The following USP32 variants were observed in gnomAD, a reference collection of about 807,000 sequenced individuals.
The protein encoded by USP32 is ubiquitin carboxyl-terminal hydrolase 32.
In USP32, 59 loss-of-function variants were observed where a neutral mutation model predicts 204.8. The observed-to-expected ratio is 0.29, with a 90% CI of 0.23 to 0.36. USP32 has a LOEUF of 0.36. USP32 is among the 10% of genes least tolerant of loss of function. USP32 has a pLI of 1.00. For synonymous variants in USP32, 517 were observed against 678.4 expected, an observed-to-expected ratio of 0.76 and a Z score of 3.70; for missense variants, 1,160 against 1,946.4, an observed-to-expected ratio of 0.60 and a Z score of 7.60.
intron 2 of USP32, among the ~76,000 whole-genome samples, chr17:60,341,330 T>C (rs1022383814): frequency 2.0e-5 from 3 of 152,092 alleles, no homozygotes; most frequent in Non-Finnish European, 4.4e-5. Flanking sequence ...CTTTCCATGT[T>C]TAATGCTTCC....
chr17:60,269,240 G>A (rs1311596519), intron 7 of USP32, among the ~76,000 whole-genome samples: 1 of 150,132 alleles, frequency 6.7e-6, no homozygotes, highest in East Asian at 1.9e-4. Context: ...ATTGTTAATA[G>A]CAAATATCCC....
chr17:60,362,576 G>A (rs2089231185), intron 1 of USP32, among the ~76,000 whole-genome samples: 1 of 152,200 alleles, frequency 6.6e-6, no homozygotes, highest in East Asian at 1.9e-4. Flanking sequence ...AACGCTGCAG[G>A]AGAGTCTTAA....
In USP32 at chr17:60,214,605, T is replaced by C; in HGVS notation, c.2022+15A>G. 4 of 1,610,946 alleles carry C rather than the reference T, an allele frequency of 2.5e-6. No individual in the cohort carries two copies. Among genetic ancestry groups the C allele is most frequent in the Middle Eastern group, 3.3e-4 (2 of 6,038 alleles). On this transcript the variant is annotated intron_variant, in intron 17 of 33. Transcript: ENST00000300896. Reference sequence around the variant, plus strand: ...CCAACAATCAGACTCTCTATGACTCTGAGATGCCTCTTACCTCACTGTTGT... The same window carrying C: ...CCAACAATCAGACTCTCTATGACTCCGAGATGCCTCTTACCTCACTGTTGT...
intron 1 of USP32, among the ~76,000 whole-genome samples, chr17:60,361,988 A>G (rs2089216997): frequency 6.6e-6 from 1 of 152,180 alleles, no homozygotes; most frequent in Admixed American, 6.5e-5. Flanking sequence ...CCCTTCTACT[A>G]TGTCCATACA....
intron 15 of USP32, among the ~76,000 whole-genome samples, chr17:60,221,329 G>C (rs1253242198): frequency 2.0e-5 from 3 of 151,956 alleles, no homozygotes; most frequent in Non-Finnish European, 4.4e-5. Context: ...GGAGCTTGAG[G>C]TTATTTTTCA....
Position 60,252,702 on chromosome 17 carries a change from C to T in USP32, c.1075-260G>A, listed in dbSNP as rs189726553. On this transcript the variant is annotated intron_variant, in intron 10 of 33. Coordinates refer to ENST00000300896, the MANE Select transcript of USP32 (RefSeq NM_032582.4). ...GAAGAGAAAGGGAAGGAAGAAAAAGCGAAAGGGGAAGACATTACCTCAGGA... is the reference window on the plus strand; with the variant it reads ...GAAGAGAAAGGGAAGGAAGAAAAAGTGAAAGGGGAAGACATTACCTCAGGA... Among the ~76,000 whole-genome samples, 355 of 152,094 alleles carry T rather than the reference C, an allele frequency of 2.3e-3. 3 individuals are homozygous for T. The highest frequency in any genetic ancestry group is 8.0e-3 in the African/African-American group (334 of 41,492).
Position 60,349,597 on chromosome 17 carries a change from ATATAT to A in USP32, c.59-3994_59-3990del, listed in dbSNP as rs1409115002. ...TCAAAAGAAAAAAAAAAAAAAAAAA[ATATAT>A]ATATATATATATATATATATATTAT... On this transcript the variant is annotated intron_variant, in intron 1 of 33. Transcript: ENST00000300896. Among the ~76,000 whole-genome samples, 196 of 38,536 alleles carry A rather than the reference ATATAT, an allele frequency of 5.1e-3. 4 individuals are homozygous for A. The highest frequency in any genetic ancestry group is 0.012 in the Admixed American group (24 of 2,076). 25.3% of individuals were successfully genotyped at this position (38,536 alleles called of 152,430 possible).
intron 5 of USP32, among the ~76,000 whole-genome samples, chr17:60,285,802 T>C (rs1481920234): frequency 6.6e-6 from 1 of 151,970 alleles, no homozygotes; most frequent in Non-Finnish European, 1.5e-5. Context: ...ATTTAACACG[T>C]AGAAGAAAAA....
intron 2 of USP32, among the ~76,000 whole-genome samples, chr17:60,341,016 G>A (rs1191814009): frequency 6.6e-6 from 1 of 152,012 alleles, no homozygotes; most frequent in African/African-American, 2.4e-5. Flanking sequence ...CTTCTGGCTT[G>A]TAGGGCTTTT....
At chr17:60,216,934 A>G (rs1470020180) in intron 16 of USP32, among the ~76,000 whole-genome samples, 1 of 151,790 alleles carries the variant, frequency 6.6e-6, no homozygotes, top group Admixed American at 6.6e-5. Flanking sequence ...GCATATTTTT[A>G]TAAATTTTAA....
intron 5 of USP32, among the ~76,000 whole-genome samples, chr17:60,273,628 T>C (rs1008929227): frequency 9.2e-5 from 14 of 151,918 alleles, no homozygotes; most frequent in Non-Finnish European, 2.1e-4. Context: ...AACATGAAAG[T>C]AGTAGAAAAA....
chr17:60,263,116 G>A (rs980787686), intron 9 of USP32, among the ~76,000 whole-genome samples: 1 of 151,980 alleles, frequency 6.6e-6, no homozygotes. Context: ...GCCTGGCTAC[G>A]TTTTTTCTTT....
chr17:60,184,371 C>T (rs1049931167), intron 30 of USP32, among the ~76,000 whole-genome samples: 4 of 151,516 alleles, frequency 2.6e-5, no homozygotes, highest in African/African-American at 9.7e-5. Context: ...TCCAAGCCTG[C>T]CCCTTCCCTC....
At chr17:60,223,643 C>A in intron 13 of USP32, 57 bp from the exon 14 acceptor site, 2 of 1,482,606 alleles carry the variant, frequency 1.3e-6, no homozygotes, top group Non-Finnish European at 1.8e-6. Context: ...CATAAACAGG[C>A]TTGAGGATAT....
At chr17:60,325,371 T>A (rs1480553665) in intron 2 of USP32, among the ~76,000 whole-genome samples, 1 of 152,082 alleles carries the variant, frequency 6.6e-6, no homozygotes, top group Admixed American at 6.6e-5. Context: ...TGAGCCAAGG[T>A]TGTGCCACTG....
intron 1 of USP32, among the ~76,000 whole-genome samples, chr17:60,398,071 A>G (rs1486184261): frequency 1.3e-5 from 2 of 152,140 alleles, no homozygotes; most frequent in African/African-American, 4.8e-5. Flanking sequence ...TTTAGTTAAA[A>G]TTGTTTTGGC....
Position 60,326,908 on chromosome 17 carries a change from C to T in USP32, c.186+18573G>A, listed in dbSNP as rs181844213. Among the ~76,000 whole-genome samples the T allele has an allele frequency of 3.5e-3, 530 of 152,096 alleles. 5 individuals are homozygous for T. The highest frequency in any genetic ancestry group is 0.012 in the African/African-American group (498 of 41,472). The stretch of plus-strand genomic sequence containing the variant: ...GAAAGGTAAACAGTTCTCAGTCTTA[C>T]GTAGATGCTAAAAAAGTTGATCTCA... On this transcript the variant is annotated intron_variant, in intron 2 of 33. Coordinates refer to ENST00000300896, the MANE Select transcript of USP32 (RefSeq NM_032582.4).
At chr17:60,336,793 A>G (rs2088533250) in intron 2 of USP32, among the ~76,000 whole-genome samples, 1 of 152,158 alleles carries the variant, frequency 6.6e-6, no homozygotes, top group Non-Finnish European at 1.5e-5. Context: ...TACACTATGA[A>G]CAAAAAGAGA....
chr17:60,207,373 T>G (rs2084857025), intron 24 of USP32, among the ~76,000 whole-genome samples: 1 of 151,936 alleles, frequency 6.6e-6, no homozygotes, highest in Admixed American at 6.6e-5. Context: ...ACGACTGACT[T>G]CAGTTTTGTC....
Sources: gnomAD v4.1 joint callset for allele counts (sites outside exome capture counted in the v4.1 genomes callset) on GRCh38, gnomAD v4.1.1 for gene constraint, MANE v1.5 for transcripts, NCBI Gene and HGNC (gene_info 2026-07-23, HGNC 2026-07-21) for gene names.